Variants in NCKAP5 observed in about 807,000 individuals in gnomAD.
NCKAP5 encodes nck-associated protein 5.
A neutral mutation model predicts 167.0 loss-of-function variants in NCKAP5; 92 were observed. That is an observed-to-expected ratio of 0.55 (90% confidence interval 0.47 to 0.66). NCKAP5 has a LOEUF of 0.66. Ranked by LOEUF, NCKAP5 falls within the 30% of genes least tolerant of loss-of-function variation. The pLI is 0.00. For synonymous variants in NCKAP5, 891 were observed against 877.4 expected (o/e 1.02, Z -0.27); for missense variants, 2,378 against 2,315.0 (o/e 1.03, Z -0.56).
At chr2:133,360,658 C>G (rs769290107) in intron 3 of NCKAP5, among the ~76,000 whole-genome samples, 2 of 152,062 alleles carry the variant, frequency 1.3e-5, no homozygotes, top group South Asian at 2.1e-4. Context: ...ATAGTCTATA[C>G]TGGACATGCA....
chr2:133,610,296 A>G, the NCKAP5 span, among the ~76,000 whole-genome samples: 1 of 152,204 alleles, frequency 6.6e-6, no homozygotes, highest in Non-Finnish European at 1.5e-5. Context: ...AATGAAAGAG[A>G]CAAAAGAGGC....
At chr2:133,471,646 T>C (rs548830815) in intron 3 of NCKAP5, among the ~76,000 whole-genome samples, 2 of 152,298 alleles carry the variant, frequency 1.3e-5, no homozygotes, top group South Asian at 4.1e-4. Flanking sequence ...CCAGGACCAC[T>C]GATGCTTTGG....
the NCKAP5 span, among the ~76,000 whole-genome samples, chr2:133,603,835 C>A: frequency 6.6e-6 from 1 of 152,178 alleles, no homozygotes. Context: ...CCGCTCCCAG[C>A]CGGCATGAGG....
chr2:132,882,118 A>C (rs1691803452), intron 8 of NCKAP5, among the ~76,000 whole-genome samples: 2 of 152,150 alleles, frequency 1.3e-5, no homozygotes, highest in African/African-American at 4.8e-5. Flanking sequence ...TTTGACATGT[A>C]CCCATCATTT....
the NCKAP5 span, among the ~76,000 whole-genome samples, chr2:133,583,869 T>G: frequency 6.6e-6 from 1 of 152,278 alleles, no homozygotes; most frequent in South Asian, 2.1e-4. Context: ...TTCTCCTGCC[T>G]CAGCCTCCCG....
chr2:132,799,904 T>A (rs1684897597), intron 11 of NCKAP5, among the ~76,000 whole-genome samples: 1 of 152,130 alleles, frequency 6.6e-6, no homozygotes, highest in Admixed American at 6.6e-5. Flanking sequence ...CACAATAAAA[T>A]CTACTTTTGT....
At chr2:133,453,450 T>G (rs997756302) in intron 3 of NCKAP5, among the ~76,000 whole-genome samples, 3 of 152,080 alleles carry the variant, frequency 2.0e-5, no homozygotes, top group African/African-American at 7.2e-5. Flanking sequence ...TCAATTCTAA[T>G]AACAATTCCT....
intron 5 of NCKAP5, among the ~76,000 whole-genome samples, chr2:133,150,916 T>G (rs928028419): frequency 3.3e-5 from 5 of 152,126 alleles, no homozygotes; most frequent in African/African-American, 1.2e-4. Flanking sequence ...TACAACTACA[T>G]GCAACAATAT....
chr2:133,329,532 G>T (rs1235465753), intron 3 of NCKAP5, among the ~76,000 whole-genome samples: 2 of 152,118 alleles, frequency 1.3e-5, no homozygotes, highest in Non-Finnish European at 2.9e-5. Context: ...AAAGTGGGGG[G>T]TATTGAAAGA....
At chr2:133,222,908 C>T (rs2086717120) in intron 4 of NCKAP5, among the ~76,000 whole-genome samples, 1 of 152,240 alleles carries the variant, frequency 6.6e-6, no homozygotes, top group African/African-American at 2.4e-5. Flanking sequence ...ACTGTCTCTA[C>T]TGCCAGTGAG....
chr2:132,959,775 A>G (rs994979373), intron 8 of NCKAP5, among the ~76,000 whole-genome samples: 2 of 152,124 alleles, frequency 1.3e-5, no homozygotes, highest in Admixed American at 1.3e-4. Flanking sequence ...CGTAGAAGGG[A>G]CCTGAGACAT....
intron 8 of NCKAP5, among the ~76,000 whole-genome samples, chr2:132,949,826 A>T (rs2076129419): frequency 6.6e-6 from 1 of 152,170 alleles, no homozygotes; most frequent in African/African-American, 2.4e-5. Flanking sequence ...GGGCGCAGTC[A>T]CTCATGCCTG....
intron 11 of NCKAP5, 26 bp from the exon 12 acceptor site, chr2:132,796,755 G>T: frequency 7.0e-7 from 1 of 1,426,880 alleles, no homozygotes; most frequent in South Asian, 1.2e-5. Flanking sequence ...CAGAAACATT[G>T]AATAGCGATA....
At chr2:133,666,167 A>G in the NCKAP5 span, among the ~76,000 whole-genome samples, 1 of 150,420 alleles carries the variant, frequency 6.6e-6, no homozygotes, top group Non-Finnish European at 1.5e-5. Flanking sequence ...TCATTATTTC[A>G]ATCAACTAGA....
chr2:133,382,703 C>T (rs1052798116), intron 3 of NCKAP5, among the ~76,000 whole-genome samples: 1 of 152,198 alleles, frequency 6.6e-6, no homozygotes, highest in African/African-American at 2.4e-5. Context: ...AGCATTTACT[C>T]TCTCATGAAT....
chr2:133,444,425 G>C (rs936925783), intron 3 of NCKAP5, among the ~76,000 whole-genome samples: 1 of 151,872 alleles, frequency 6.6e-6, no homozygotes, highest in Non-Finnish European at 1.5e-5. Flanking sequence ...TATAGATGTA[G>C]ATATTTAAAA....
chr2:132,782,585 C>T lies in NCKAP5; in HGVS notation c.4226G>A (p.Ser1409Asn). ...ANVAVLGEPG[S>N]DRRSCPPTPT... ...GGTGGGTGGGCAACTGCGGCGGTCACTGCCTGGTTCCCCAAGTACAGCCAC... is the reference window on the plus strand; with the variant it reads ...GGTGGGTGGGCAACTGCGGCGGTCATTGCCTGGTTCCCCAAGTACAGCCAC... The change falls in exon 14 of 20, where the codon AGT (serine) becomes AAT (asparagine). Residue 1409 changes from serine (S) to asparagine (N), a missense_variant. Physicochemically the swap from Ser to Asn is conservative, Grantham distance 46. Coordinates refer to ENST00000409261, the MANE Select transcript of NCKAP5 (RefSeq NM_207363.3). 1 of 1,584,766 alleles carries T rather than the reference C, an allele frequency of 6.3e-7. No homozygotes were observed. The highest frequency in any genetic ancestry group is 8.6e-7 in the Non-Finnish European group (1 of 1,164,896).
At chr2:132,830,732 A>G (rs954277846) in intron 11 of NCKAP5, among the ~76,000 whole-genome samples, 1 of 152,244 alleles carries the variant, frequency 6.6e-6, no homozygotes, top group African/African-American at 2.4e-5. Context: ...GTTAAATGTT[A>G]GAACAACAAA....
At chr2:133,110,961 T>C (rs926790129) in intron 6 of NCKAP5, among the ~76,000 whole-genome samples, 2 of 152,166 alleles carry the variant, frequency 1.3e-5, no homozygotes, top group Non-Finnish European at 2.9e-5. Context: ...CTCATCTGCA[T>C]GGCCACAGAG....
Sources: gnomAD v4.1 joint callset for allele counts (sites outside exome capture counted in the v4.1 genomes callset) on GRCh38, gnomAD v4.1.1 for gene constraint, MANE v1.5 for transcripts, NCBI Gene and HGNC (gene_info 2026-07-23, HGNC 2026-07-21) for gene names.